Variants in EFCAB5 observed in about 807,000 individuals in gnomAD.
EFCAB5 encodes the protein EF-hand calcium-binding domain-containing protein 5.
EFCAB5 carries 131 observed loss-of-function variants against 167.9 expected under a neutral mutation model. The ratio of observed to expected loss-of-function variants is 0.78; its 90% CI spans 0.68 to 0.90. EFCAB5 has a LOEUF of 0.90. Among genes scored for constraint, EFCAB5 ranks in the 40% least tolerant of loss-of-function variants. The pLI is 0.00. For missense variants in EFCAB5, 1,663 were observed against 1,745.2 expected, an observed-to-expected ratio of 0.95 and a Z score of 0.84; for synonymous variants, 574 against 602.8, an observed-to-expected ratio of 0.95 and a Z score of 0.70.
chr17:29,976,366 G>A (rs1184388798), intron 4 of EFCAB5, among the ~76,000 whole-genome samples: 1 of 152,138 alleles, frequency 6.6e-6, no homozygotes, highest in Non-Finnish European at 1.5e-5. Flanking sequence ...ATTGGAGCAG[G>A]AATTTCATGA....
At chr17:30,034,196 G>C (rs750951126) in intron 7 of EFCAB5, 34 bp from the exon 8 acceptor site, 1 of 1,606,810 alleles carries the variant, frequency 6.2e-7, no homozygotes, top group Non-Finnish European at 8.5e-7. Flanking sequence ...ATGGTTTTAA[G>C]TCAATCGTTT....
chr17:30,078,495 C>A lies in EFCAB5; in HGVS notation c.3018C>A (p.Ala1006=), dbSNP rs2151832042. 7 of 1,587,728 alleles carry A rather than the reference C, an allele frequency of 4.4e-6. No homozygotes were observed. Among genetic ancestry groups the A allele is most frequent in the Non-Finnish European group, 5.2e-6 (6 of 1,164,992 alleles). Residue 1006 remains alanine (A), a synonymous_variant, in exon 15 of 23, where the codon GCC becomes GCA. Coordinates refer to ENST00000394835, the MANE Select transcript of EFCAB5 (RefSeq NM_198529.4). The part of the protein sequence containing the change: ...LEPVYSETFK[A]LMQDAEAHGN... ...CGGTGTATAGTGAGACCTTTAAGGC[C>A]CTCATGCAGGTACGTTTCCTAAAGC...
At chr17:29,984,462 G>A (rs979501165) in intron 4 of EFCAB5, among the ~76,000 whole-genome samples, 6 of 152,098 alleles carry the variant, frequency 3.9e-5, no homozygotes, top group Admixed American at 3.3e-4. Flanking sequence ...GCTTACACCT[G>A]TAATCCCAGC....
chr17:30,021,831 G>A (rs1054763077), intron 7 of EFCAB5, among the ~76,000 whole-genome samples: 2 of 152,110 alleles, frequency 1.3e-5, no homozygotes, highest in African/African-American at 4.8e-5. Flanking sequence ...CTCATTTAAC[G>A]AAACTGGAAG....
intron 7 of EFCAB5, among the ~76,000 whole-genome samples, chr17:30,033,785 A>G (rs1378865755): frequency 2.6e-5 from 4 of 152,162 alleles, no homozygotes; most frequent in African/African-American, 9.7e-5. Context: ...ACAAAAAGCC[A>G]CCCATGATCC....
intron 14 of EFCAB5, among the ~76,000 whole-genome samples, chr17:30,061,576 C>T (rs151138769): frequency 1.3e-3 from 194 of 152,220 alleles, no homozygotes; most frequent in African/African-American, 4.0e-3. Flanking sequence ...TGTCTTCCCC[C>T]TCCCCACCTT....
At chr17:30,049,505 A>C (rs748677203) in intron 8 of EFCAB5, among the ~76,000 whole-genome samples, 8 of 151,730 alleles carry the variant, frequency 5.3e-5, no homozygotes, top group Non-Finnish European at 1.2e-4. Flanking sequence ...ACAAAAACAA[A>C]CAAAAAAAAA....
chr17:29,932,550 G>T (rs370269592), intron 1 of EFCAB5, among the ~76,000 whole-genome samples: 2 of 147,704 alleles, frequency 1.4e-5, no homozygotes, highest in African/African-American at 5.0e-5. Context: ...CCACCTCCCG[G>T]GTTCAAGCTA....
chr17:30,068,865 C>A, intron 14 of EFCAB5: 1 of 1,447,328 alleles, frequency 6.9e-7, no homozygotes, highest in Non-Finnish European at 9.7e-7. Context: ...ATGCTTATAG[C>A]CATACCATGT....
chr17:30,089,335 G>A (rs556046937), intron 19 of EFCAB5, among the ~76,000 whole-genome samples: 1 of 152,266 alleles, frequency 6.6e-6, no homozygotes, highest in Admixed American at 6.5e-5. Flanking sequence ...TGGTGGCTCA[G>A]CAGCAGCAAA....
At position 30,056,080 on chromosome 17, in the gene EFCAB5, T is replaced by C; in HGVS notation, c.2289T>C (p.Cys763=). Residue 763 remains cysteine (C), a synonymous_variant, in exon 12 of 23, where the codon TGT becomes TGC. Coordinates refer to ENST00000394835, the MANE Select transcript of EFCAB5 (RefSeq NM_198529.4). ...TTTTTACAGGTGAATTTTTTACTTGTAACTGGAAAATGAAGTATGTCACAT... is the reference window on the plus strand; with the variant it reads ...TTTTTACAGGTGAATTTTTTACTTGCAACTGGAAAATGAAGTATGTCACAT... The part of the protein sequence containing the change: ...GKSWSGEFFT[C]NWKMKYVTFE... 7.4e-6 allele frequency: 12 copies of C among 1,612,764 alleles called. No homozygotes were observed. Among genetic ancestry groups the C allele is most frequent in the Non-Finnish European group, 1.0e-5 (12 of 1,179,242 alleles).
At chr17:30,037,352 T>C (rs1424328364) in intron 8 of EFCAB5, among the ~76,000 whole-genome samples, 2 of 152,240 alleles carry the variant, frequency 1.3e-5, no homozygotes, top group Middle Eastern at 3.4e-3. Context: ...AGGATAACTA[T>C]GGACATAAAT....
intron 7 of EFCAB5, among the ~76,000 whole-genome samples, chr17:30,004,622 CTT>C (rs770320423): frequency 8.1e-5 from 11 of 135,690 alleles, no homozygotes; most frequent in Non-Finnish European, 8.0e-5. Flanking sequence ...TCTGTGGGCA[CTT>C]TTTTTTTTTT....
intron 3 of EFCAB5, among the ~76,000 whole-genome samples, chr17:29,964,483 C>T (rs564357065): frequency 5.9e-5 from 9 of 152,096 alleles, no homozygotes; most frequent in Admixed American, 4.6e-4. Context: ...TTAGTAGAGA[C>T]GGGTTTTCAC....
intron 9 of EFCAB5, among the ~76,000 whole-genome samples, chr17:30,052,008 G>A (rs553937144): frequency 6.6e-6 from 1 of 151,118 alleles, no homozygotes; most frequent in Non-Finnish European, 1.5e-5. Context: ...TCAGAGATGG[G>A]GTCTTGCTAT....
intron 8 of EFCAB5, among the ~76,000 whole-genome samples, chr17:30,034,726 A>G (rs1451370658): frequency 6.6e-6 from 1 of 152,210 alleles, no homozygotes; most frequent in Admixed American, 6.6e-5. Context: ...GCTGGGAACA[A>G]AGCCCCAAAA....
At chr17:29,971,128 A>G (rs2151583782) in intron 4 of EFCAB5, among the ~76,000 whole-genome samples, 1 of 151,886 alleles carries the variant, frequency 6.6e-6, no homozygotes, top group Admixed American at 6.6e-5. Context: ...TAGATTCATT[A>G]CTAGTTATTT....
chr17:30,069,404 G>A (rs2070668357), intron 14 of EFCAB5: 5 of 1,536,080 alleles, frequency 3.3e-6, no homozygotes, highest in Non-Finnish European at 4.5e-6. Context: ...CAAAGGGAGA[G>A]TGGTTGAGAT....
intron 8 of EFCAB5, among the ~76,000 whole-genome samples, chr17:30,038,308 A>T (rs147183450): frequency 1.6e-3 from 248 of 152,344 alleles, no homozygotes; most frequent in Non-Finnish European, 2.9e-3. Flanking sequence ...AATTATGCCA[A>T]ATCTACTCTG....
Sources: gnomAD v4.1 joint callset for allele counts (sites outside exome capture counted in the v4.1 genomes callset) on GRCh38, gnomAD v4.1.1 for gene constraint, MANE v1.5 for transcripts, NCBI Gene and HGNC (gene_info 2026-07-23, HGNC 2026-07-21) for gene names.